Variants in MYO7B observed in about 807,000 individuals in gnomAD.
MYO7B encodes unconventional myosin-VIIb.
In MYO7B, 212 loss-of-function variants were observed where a neutral mutation model predicts 259.7. The ratio of observed to expected loss-of-function variants is 0.82; its 90% confidence interval spans 0.73 to 0.91. The LOEUF is 0.91. Among genes scored for constraint, MYO7B ranks in the 40% least tolerant of loss-of-function variants. The pLI, the probability that MYO7B is intolerant of heterozygous loss-of-function variation, is 0.00. For synonymous variants in MYO7B, 1,197 were observed against 1,166.4 expected (o/e 1.03, Z -0.54); for missense variants, 2,732 against 2,813.5 (o/e 0.97, Z 0.66).
intron 15 of MYO7B, among the ~76,000 whole-genome samples, 157 bp downstream of exon 15, chr2:127,588,712 G>A (rs979965563): frequency 1.3e-5 from 2 of 151,914 alleles, no homozygotes; most frequent in Non-Finnish European, 2.9e-5. Context: ...TGAATGGATG[G>A]GTGGGTGGAT....
Position 127,576,461 on chromosome 2 carries a change from C to T in MYO7B, c.736-134C>T, listed in dbSNP as rs1573642766. 1 of 539,692 alleles carries T rather than the reference C, an allele frequency of 1.9e-6. No homozygotes were observed. Among genetic ancestry groups the T allele is most frequent in the East Asian group, 3.3e-5 (1 of 30,114 alleles). 33.4% of individuals were successfully genotyped at this position (539,692 alleles called of 1,614,324 possible). On this transcript the variant is annotated intron_variant, in intron 7 of 47. Coordinates refer to ENST00000409816, the MANE Select transcript of MYO7B (RefSeq NM_001393586.1). The surrounding 1 kb of genome is among the most constrained non-coding windows in gnomAD (Gnocchi z 4.9). ...CAACCAAGCCAGGCTGGCCCTGGGT[C>T]AGTGCCAGAGCTGCTCCTGGCTGAG...
Position 127,565,271 on chromosome 2 carries a change from T to A in MYO7B, c.171T>A (p.Ser57Arg). The change falls in exon 4 of 48, where the codon AGT becomes AGA. Residue 57 changes from serine (S) to arginine (R), a missense_variant. Coordinates refer to ENST00000409816, the MANE Select transcript of MYO7B (RefSeq NM_001393586.1). The part of the protein sequence containing the change: ...WIRAEDFGVL[S>R]PMHPNSVQGV... The stretch of plus-strand genomic sequence containing the variant: ...GAGCAGAGGACTTTGGTGTCCTCAG[T>A]CCCATGCACCCCAACTCAGTCCAGG... The A allele has an allele frequency of 1.9e-6, 3 of 1,613,970 alleles. No individual in the cohort carries two copies. Among genetic ancestry groups the A allele is most frequent in the Non-Finnish European group, 2.5e-6 (3 of 1,179,858 alleles).
At chr2:127,573,285 T>C (rs1678723049) in intron 6 of MYO7B, among the ~76,000 whole-genome samples, 2 of 152,368 alleles carry the variant, frequency 1.3e-5, no homozygotes, top group Non-Finnish European at 2.9e-5. Context: ...GAACTAGTAC[T>C]GAGTATTTTG....
intron 1 of MYO7B, among the ~76,000 whole-genome samples, chr2:127,544,170 A>G (rs1043629579): frequency 3.9e-4 from 59 of 152,182 alleles, no homozygotes; most frequent in African/African-American, 1.4e-3. Context: ...TCGAACTCCC[A>G]GACTTAAGTG....
At chr2:127,541,437 G>A (rs1201540873) in intron 1 of MYO7B, among the ~76,000 whole-genome samples, 1 of 152,238 alleles carries the variant, frequency 6.6e-6, no homozygotes, top group Non-Finnish European at 1.5e-5. Flanking sequence ...AGCAGTGAAC[G>A]TCACTACAAA....
chr2:127,593,611 C>T lies in MYO7B; in HGVS notation c.2211C>T (p.Asp737=). The stretch of plus-strand genomic sequence containing the variant: ...ACGTGTGGCTGCGGACAGACAAAGA[C>T]TGGAAAGCGGGGAAGACAAAAATTT... ...ITDVWLRTDK[D]WKAGKTKIFL... The change falls in exon 18 of 48, where the codon GAC becomes GAT. Residue 737 remains aspartate (D), a synonymous_variant. Transcript: ENST00000409816. 2 of 1,613,744 alleles carry T rather than the reference C, an allele frequency of 1.2e-6. No homozygotes were observed. The highest frequency in any genetic ancestry group is 2.2e-5 in the South Asian group (2 of 91,088).
intron 1 of MYO7B, among the ~76,000 whole-genome samples, chr2:127,545,824 C>T (rs547917670): frequency 1.3e-5 from 2 of 152,362 alleles, no homozygotes; most frequent in South Asian, 4.1e-4. Flanking sequence ...GATACCAGGA[C>T]AACTCAGCCT....
rs946194291 is a variant in MYO7B, at chr2:127,613,227, T to C, written c.3398+624T>C. ...ATTAAGCCTCTGTAAGATTCTTTTA[T>C]ATTGTTCTTCAGGTACCTAGGGGTC... On this transcript the variant is annotated intron_variant, in intron 26 of 47. Coordinates refer to ENST00000409816, the MANE Select transcript of MYO7B (RefSeq NM_001393586.1). The surrounding 1 kb of genome is among the most constrained non-coding windows in gnomAD (Gnocchi z 4.3). Among the ~76,000 whole-genome samples the C allele has an allele frequency of 6.6e-6, 1 of 152,244 alleles. No homozygotes were observed. The highest frequency in any genetic ancestry group is 2.4e-5 in the African/African-American group (1 of 41,460).
In MYO7B at chr2:127,622,062, TGGG is replaced by T; in HGVS notation, c.3608_3610del (p.Gly1203del). 1 of 1,551,584 alleles carries T rather than the reference TGGG, an allele frequency of 6.4e-7. No individual in the cohort carries two copies. Among genetic ancestry groups the T allele is most frequent in the Non-Finnish European group, 8.7e-7 (1 of 1,146,942 alleles). ...AGCGCCTGAGACGCACCTATGCCAA[TGGG>T]GTGCGTGCGGAGCCCCCCACCTGGC... On this transcript the variant is annotated inframe_deletion, in exon 28 of 48. Coordinates refer to ENST00000409816, the MANE Select transcript of MYO7B (RefSeq NM_001393586.1).
chr2:127,634,315 C>T (rs370933251), intron 41 of MYO7B, 26 bp downstream of exon 41: 253 of 1,508,868 alleles, frequency 1.7e-4, no homozygotes, highest in Non-Finnish European at 2.0e-4. Flanking sequence ...GCTGGGCAGA[C>T]GGTGGGCGGA....
rs1322070128 is a variant in MYO7B at position 127,564,260 on chromosome 2, G to A, written c.126G>A (p.Glu42=). The change falls in exon 3 of 48, where the codon GAG becomes GAA. Residue 42 remains glutamate, a synonymous_variant. Coordinates refer to ENST00000409816, the MANE Select transcript of MYO7B (RefSeq NM_001393586.1). ...GCAAAGTCTTGGTTGAAGATGACGA[G>A]GGCAAGGTCAGTGTTCTGGGGTTTC... The part of the protein sequence containing the change: ...KPGKVLVEDD[E]GKEHWIRAED... The A allele has an allele frequency of 1.3e-6, 2 of 1,568,862 alleles. No homozygotes were observed. Among genetic ancestry groups the A allele is most frequent in the Non-Finnish European group, 1.7e-6 (2 of 1,156,872 alleles).
At chr2:127,554,337 G>C (rs987644005) in intron 1 of MYO7B, among the ~76,000 whole-genome samples, 1 of 152,176 alleles carries the variant, frequency 6.6e-6, no homozygotes, top group Non-Finnish European at 1.5e-5. Context: ...GCCTCCCAAA[G>C]TACTGGGATT....
intron 20 of MYO7B, among the ~76,000 whole-genome samples, chr2:127,606,636 G>T (rs910266469): frequency 6.6e-6 from 1 of 152,248 alleles, no homozygotes; most frequent in Non-Finnish European, 1.5e-5. Flanking sequence ...CAGAGTTGGG[G>T]TTTAGATGAG....
intron 1 of MYO7B, among the ~76,000 whole-genome samples, chr2:127,551,052 A>G (rs1349441987): frequency 1.4e-5 from 2 of 144,936 alleles, no homozygotes; most frequent in Non-Finnish European, 3.0e-5. Flanking sequence ...TTGGGTTGCC[A>G]TGACCAAATA....
rs191887454 is a variant in MYO7B, at chr2:127,576,214, A to C, written c.736-381A>C. Among the ~76,000 whole-genome samples the C allele has an allele frequency of 6.6e-6, 1 of 151,700 alleles. No individual in the cohort carries two copies. Among genetic ancestry groups the C allele is most frequent in the East Asian group, 1.9e-4 (1 of 5,176 alleles). ...ACCTTCTCTCGGAAAAAAAAAAAAT[A>C]CTGAAGGCCTAGGGAGCCCCGTGGC... On this transcript the variant is annotated intron_variant, in intron 7 of 47. Transcript: ENST00000409816. The surrounding 1 kb of genome is among the most constrained non-coding windows in gnomAD (Gnocchi z 4.9).
In MYO7B at chr2:127,609,660, T is replaced by C. The variant is rs781533174; in HGVS notation, c.2969T>C (p.Ile990Thr). The change falls in exon 23 of 48, where the codon ATC (isoleucine) becomes ACC (threonine). Residue 990 changes from isoleucine to threonine, a missense_variant. Ile to Thr is a moderately conservative substitution (Grantham distance 89). This residue lies in a region of MYO7B where 1,906 missense variants were observed against 2,026.4 expected (regional missense o/e 0.94). Transcript: ENST00000409816. The surrounding 1 kb of genome is among the most constrained non-coding windows in gnomAD (Gnocchi z 6.9). ...CAGAAATCAGCCAGCCACACACACATCCGGCGGCCCCTCCGATACCCGTTG... is the reference window on the plus strand; with the variant it reads ...CAGAAATCAGCCAGCCACACACACACCCGGCGGCCCCTCCGATACCCGTTG... ...YFQKSASHTHIRRPLRYPLLY... is the reference protein window; with the variant it reads ...YFQKSASHTHTRRPLRYPLLY... The C allele has an allele frequency of 3.3e-5, 54 of 1,613,972 alleles. No homozygotes were observed. Among genetic ancestry groups the C allele is most frequent in the Non-Finnish European group, 4.4e-5 (52 of 1,179,882 alleles).
intron 9 of MYO7B, among the ~76,000 whole-genome samples, chr2:127,579,574 A>ATTTG (rs34233331): frequency 0.46 from 68,728 of 150,368 alleles, 16,556 homozygotes; most frequent in South Asian, 0.67. Context: ...CTAACATAAC[A>ATTTG]TTTGTTTGTT....
At chr2:127,582,509 C>T (rs971914027) in intron 12 of MYO7B, 63 bp downstream of exon 12, 26 of 1,570,056 alleles carry the variant, frequency 1.7e-5, no homozygotes, top group Admixed American at 9.0e-5. Flanking sequence ...CAGCTCCTCT[C>T]GAAGGGGGCA....
chr2:127,559,613 T>C lies in MYO7B; in HGVS notation c.-23-87T>C. ...CCCATGCCGGGCACTTAGGGAAGTG[T>C]TGGTGAACAAGCCCAGCTCCTGTGC... On this transcript the variant is annotated intron_variant, in intron 1 of 47. Coordinates refer to ENST00000409816, the MANE Select transcript of MYO7B (RefSeq NM_001393586.1). This position sits in a 1 kb window ranked among gnomAD's most constrained non-coding sequence, Gnocchi z 4.1. The C allele has an allele frequency of 2.4e-6, 3 of 1,242,904 alleles. No individual in the cohort carries two copies. Among genetic ancestry groups the C allele is most frequent in the Non-Finnish European group, 1.2e-6 (1 of 845,554 alleles). The allele number at this position is 1,242,904 out of a possible 1,614,324, so 77.0% of individuals were successfully genotyped here. A position where few individuals can be genotyped will look rare whatever the true frequency, so the allele number is the denominator to read the frequency against.
Sources: allele counts gnomAD v4.1 joint callset (sites outside exome capture counted in the v4.1 genomes callset), GRCh38; gene constraint gnomAD v4.1.1; regional missense constraint gnomAD v4.1.1; non-coding constraint Gnocchi (gnomAD v3.1); transcripts MANE v1.5; gene names NCBI Gene and HGNC (gene_info 2026-07-23, HGNC 2026-07-21).